Variants in FOCAD observed in about 807,000 individuals in gnomAD.
FOCAD encodes KIAA1797.
FOCAD carries 198 observed loss-of-function variants against 225.6 expected under a neutral mutation model. The observed-to-expected ratio is 0.88, with a 90% CI of 0.78 to 0.99. The LOEUF (loss-of-function observed/expected upper bound fraction) is 0.99. Among genes scored for constraint, FOCAD ranks in the 50% least tolerant of loss-of-function variants. The pLI is 0.00. For missense variants in FOCAD, 2,713 were observed against 2,123.6 expected, an observed-to-expected ratio of 1.28 and a Z score of -5.46; for synonymous variants, 897 against 755.0, an observed-to-expected ratio of 1.19 and a Z score of -3.08.
intron 1 of FOCAD, among the ~76,000 whole-genome samples, chr9:20,704,979 C>G (rs1316103177): frequency 1.3e-5 from 2 of 152,166 alleles, no homozygotes; most frequent in African/African-American, 4.8e-5. Context: ...CATATATACT[C>G]TGGAGCGAGA....
chr9:20,769,562 G>A (rs1817975195), intron 7 of FOCAD, among the ~76,000 whole-genome samples: 1 of 152,190 alleles, frequency 6.6e-6, no homozygotes, highest in Non-Finnish European at 1.5e-5. Flanking sequence ...GTGTGGAGAT[G>A]ATACTCTCAG....
intron 11 of FOCAD, among the ~76,000 whole-genome samples, chr9:20,791,464 C>G (rs920052148): frequency 2.0e-5 from 3 of 152,112 alleles, no homozygotes; most frequent in African/African-American, 7.2e-5. Context: ...TCACCTCAAA[C>G]ATTTATCATT....
At chr9:20,655,850 T>C (rs935519462), upstream of FOCAD, among the ~76,000 whole-genome samples, 3 of 152,192 alleles carry the variant, frequency 2.0e-5, no homozygotes, top group East Asian at 5.8e-4. Flanking sequence ...GCCTTTCTAG[T>C]TCTTTTAATT....
chr9:20,953,873 A>G (rs1487865938), intron 35 of FOCAD, among the ~76,000 whole-genome samples: 1 of 152,144 alleles, frequency 6.6e-6, no homozygotes, highest in Non-Finnish European at 1.5e-5. Context: ...GACCATCCCA[A>G]TTTTAGAAAG....
chr9:20,968,259 C>T (rs887959981), intron 35 of FOCAD, among the ~76,000 whole-genome samples: 1 of 152,008 alleles, frequency 6.6e-6, no homozygotes, highest in South Asian at 2.1e-4. Context: ...TCGTAGAATT[C>T]TCTTGTAATC....
chr9:20,891,228 C>T (rs1587522403), intron 21 of FOCAD, among the ~76,000 whole-genome samples: 1 of 152,122 alleles, frequency 6.6e-6, no homozygotes, highest in African/African-American at 2.4e-5. Flanking sequence ...CCAATTGGGC[C>T]TCCCTATTCT....
Position 20,978,331 on chromosome 9 carries a change from A to C in FOCAD, c.4262-8A>C, listed in dbSNP as rs373405077. ...TATATTCAATTCTTTTCCTTTCTTG[A>C]CTTTCAGGTGAAGAGATCCAGCAAC... On this transcript the variant is annotated splice_region_variant and splice_polypyrimidine_tract_variant and intron_variant, in intron 36 of 43. Coordinates refer to ENST00000338382, the MANE Select transcript of FOCAD (RefSeq NM_001375567.1). The C allele has an allele frequency of 1.2e-5, 19 of 1,578,242 alleles. No homozygotes were observed. The highest frequency in any genetic ancestry group is 1.6e-5 in the Non-Finnish European group (18 of 1,156,106).
rs180779609 is a variant in FOCAD at position 20,890,215 on chromosome 9, G to A, written c.2625+4985G>A. Reference sequence around the variant, plus strand: ...CACTATCTAGGGCCATCATTACAGTGTTGAATAGGACTGATGAGAGTTAAT... The same window carrying A: ...CACTATCTAGGGCCATCATTACAGTATTGAATAGGACTGATGAGAGTTAAT... On this transcript the variant is annotated intron_variant, in intron 21 of 43. Transcript: ENST00000338382. Among the ~76,000 whole-genome samples the A allele has an allele frequency of 4.6e-5, 7 of 151,974 alleles. No individual in the cohort carries two copies. In the East Asian group the frequency reaches 7.7e-4, roughly 17 times the overall value.
At chr9:20,811,367 A>G (rs1427520820) in intron 11 of FOCAD, among the ~76,000 whole-genome samples, 1 of 152,100 alleles carries the variant, frequency 6.6e-6, no homozygotes, top group Non-Finnish European at 1.5e-5. Context: ...ACAGAATGTT[A>G]TAGTTAGTCT....
At chr9:20,958,399 T>A (rs914845580) in intron 35 of FOCAD, among the ~76,000 whole-genome samples, 10 of 147,734 alleles carry the variant, frequency 6.8e-5, no homozygotes, top group African/African-American at 2.4e-4. Flanking sequence ...TTTGAAATTT[T>A]TAAAAAAAAT....
chr9:20,974,945 C>T (rs1840101775), intron 35 of FOCAD, among the ~76,000 whole-genome samples: 1 of 152,192 alleles, frequency 6.6e-6, no homozygotes, highest in South Asian at 2.1e-4. Flanking sequence ...CTATGCTTCT[C>T]CTTTCTGAAG....
chr9:20,815,952 A>C (rs1328696685), intron 11 of FOCAD, among the ~76,000 whole-genome samples: 2 of 152,188 alleles, frequency 1.3e-5, no homozygotes, highest in Non-Finnish European at 2.9e-5. Flanking sequence ...GTGTTTTCCT[A>C]GTGAAACAGT....
intron 34 of FOCAD, 106 bp downstream of exon 34, chr9:20,951,204 G>T: frequency 1.2e-6 from 1 of 800,416 alleles, no homozygotes; most frequent in East Asian, 2.5e-5. Flanking sequence ...CTAAGTAATG[G>T]GTATTACCAT....
At chr9:20,890,251 C>T (rs564441729) in intron 21 of FOCAD, among the ~76,000 whole-genome samples, 3 of 151,468 alleles carry the variant, frequency 2.0e-5, no homozygotes, top group East Asian at 3.9e-4. Context: ...ATTCTTGTCT[C>T]GTTCACTTAG....
chr9:20,793,411 G>A (rs761946040), intron 11 of FOCAD, among the ~76,000 whole-genome samples: 5 of 152,160 alleles, frequency 3.3e-5, no homozygotes, highest in Non-Finnish European at 7.3e-5. Flanking sequence ...AAAGCCTAGA[G>A]TTTATACACA....
At chr9:20,714,151 T>A (rs914596935) in intron 1 of FOCAD, among the ~76,000 whole-genome samples, 18 of 151,398 alleles carry the variant, frequency 1.2e-4, no homozygotes, top group Admixed American at 3.3e-4. Context: ...AAAAAAAAAA[T>A]TTTTTTTTGG....
At chr9:20,809,030 A>G (rs1822763638) in intron 11 of FOCAD, among the ~76,000 whole-genome samples, 2 of 152,240 alleles carry the variant, frequency 1.3e-5, no homozygotes, top group Non-Finnish European at 2.9e-5. Context: ...CAAAAGCATT[A>G]CGTTGCACAT....
At chr9:20,885,316 T>A in intron 21 of FOCAD, 86 bp downstream of exon 21, 1 of 1,269,592 alleles carries the variant, frequency 7.9e-7, no homozygotes, top group Non-Finnish European at 1.0e-6. Context: ...GAAATAATTT[T>A]TTTGATCATA....
intron 11 of FOCAD, among the ~76,000 whole-genome samples, chr9:20,798,493 G>A (rs1284682201): frequency 6.6e-6 from 1 of 151,992 alleles, no homozygotes; most frequent in African/African-American, 2.4e-5. Flanking sequence ...TTTTTTGGTT[G>A]GTAAGCTATT....
Sources: allele counts gnomAD v4.1 joint callset (sites outside exome capture counted in the v4.1 genomes callset), GRCh38; gene constraint gnomAD v4.1.1; transcripts MANE v1.5; gene names NCBI Gene and HGNC (gene_info 2026-07-23, HGNC 2026-07-21).